Variants in PRKDC observed in about 807,000 individuals in gnomAD.
PRKDC encodes DNA-dependent protein kinase catalytic subunit.
In PRKDC, 82 loss-of-function variants were observed where a neutral mutation model predicts 486.9. The ratio of observed to expected loss-of-function variants is 0.17; its 90% CI spans 0.14 to 0.20. The LOEUF is 0.20. Ranked by LOEUF, PRKDC falls within the 10% of genes least tolerant of loss-of-function variation. The pLI is 1.00. For missense variants in PRKDC, 4,504 were observed against 5,038.2 expected (o/e 0.89, Z 3.21); for synonymous variants, 1,895 against 1,837.0 (o/e 1.03, Z -0.81).
intron 7 of PRKDC, among the ~76,000 whole-genome samples, chr8:47,946,342 A>ATCAGC (rs1047728987): frequency 6.6e-6 from 1 of 151,722 alleles, no homozygotes; most frequent in Non-Finnish European, 1.5e-5. Context: ...TCTTACCCCC[A>ATCAGC]CATCTCCCAT....
At chr8:47,865,483 T>C (rs751708368) in intron 40 of PRKDC, among the ~76,000 whole-genome samples, 9 of 152,210 alleles carry the variant, frequency 5.9e-5, no homozygotes, top group Admixed American at 1.3e-4. Context: ...TACCTGTCTA[T>C]CTGGTCCTTT....
At chr8:47,891,743 A>C (rs929270034) in intron 31 of PRKDC, among the ~76,000 whole-genome samples, 1 of 152,196 alleles carries the variant, frequency 6.6e-6, no homozygotes, top group Non-Finnish European at 1.5e-5. Context: ...ATTATTCTCA[A>C]AAACCAAATA....
chr8:47,875,863 A>C (rs2089081365), intron 40 of PRKDC, among the ~76,000 whole-genome samples: 1 of 152,200 alleles, frequency 6.6e-6, no homozygotes, highest in Non-Finnish European at 1.5e-5. Context: ...GTATGCTCCA[A>C]AAGAATGTGT....
rs534753160 is a variant in PRKDC at position 47,826,885 on chromosome 8, G to A, written c.8578-24C>T. The stretch of plus-strand genomic sequence containing the variant: ...TCCTGTGAAACCACACATACAACCA[G>A]CTGTTTAGCTTGTGGTACTTGGACC... On this transcript the variant is annotated intron_variant, in intron 62 of 85. Coordinates refer to ENST00000314191, the MANE Select transcript of PRKDC (RefSeq NM_006904.7). The A allele has an allele frequency of 1.1e-5, 17 of 1,539,574 alleles. No individual in the cohort carries two copies. In the South Asian group the frequency reaches 1.7e-4, roughly 15 times the overall value.
At chr8:47,801,538 TA>T (rs750046332) in intron 70 of PRKDC, among the ~76,000 whole-genome samples, 97 of 152,356 alleles carry the variant, frequency 6.4e-4, no homozygotes, top group Admixed American at 3.5e-3. Flanking sequence ...ATTGAAACTT[TA>T]TGAATTAACT....
intron 70 of PRKDC, 47 bp downstream of exon 70, chr8:47,803,259 A>AT (rs765379321): frequency 1.3e-6 from 2 of 1,537,504 alleles, no homozygotes; most frequent in Non-Finnish European, 8.8e-7. Flanking sequence ...ACAAGACAAT[A>AT]TAACACAGCC....
intron 15 of PRKDC, 22 bp downstream of exon 15, chr8:47,933,943 G>T (rs770339920): frequency 6.3e-7 from 1 of 1,598,280 alleles, no homozygotes; most frequent in Non-Finnish European, 8.5e-7. Context: ...GTACATTTAT[G>T]GCTTTCAATG....
chr8:47,913,321 C>A (rs1047821671), intron 24 of PRKDC, among the ~76,000 whole-genome samples: 14 of 152,182 alleles, frequency 9.2e-5, no homozygotes, highest in African/African-American at 3.4e-4. Context: ...CCAAGCATAG[C>A]CCGAATATCA....
At position 47,840,162 on chromosome 8, in the gene PRKDC, C is replaced by T. The variant is rs1215386135; in HGVS notation, c.7308G>A (p.Leu2436=). The T allele has an allele frequency of 1.2e-6, 2 of 1,600,192 alleles. No individual in the cohort carries two copies. Among genetic ancestry groups the T allele is most frequent in the East Asian group, 4.5e-5 (2 of 44,722 alleles). Residue 2436 remains leucine (L), a synonymous_variant, in exon 55 of 86, where the codon TTG becomes TTA. Transcript: ENST00000314191. ...HRDDERQKVC[L]DIIYKMMPKL... is the part of the protein sequence containing the mutation. ...TTGGCATCATCTTATAAATTATGTCCAAACATACTTTTTGTCTTTCATCAT... is the reference window on the plus strand; with the variant it reads ...TTGGCATCATCTTATAAATTATGTCTAAACATACTTTTTGTCTTTCATCAT...
At position 47,893,343 on chromosome 8, in the gene PRKDC, C is replaced by T. The variant is rs758291687; in HGVS notation, c.3643G>A (p.Glu1215Lys). The T allele has an allele frequency of 6.4e-7, 1 of 1,567,916 alleles. No homozygotes were observed. The highest frequency in any genetic ancestry group is 8.7e-7 in the Non-Finnish European group (1 of 1,150,544). The change falls in exon 31 of 86, where the codon GAA (glutamate) becomes AAA (lysine). Residue 1215 changes from glutamate to lysine, a missense_variant. Glu to Lys is a moderately conservative substitution (Grantham distance 56). Transcript: ENST00000314191. Reference sequence around the variant, plus strand: ...GTGTTGATGAGAAAAGAGACACCTTCTTCCTTGAGAACATCTTTCAGCCAC... The same window carrying T: ...GTGTTGATGAGAAAAGAGACACCTTTTTCCTTGAGAACATCTTTCAGCCAC... The part of the protein sequence containing the change: ...NLWLKDVLKE[E>K]GVSFLINTFE...
chr8:47,953,981 CA>C (rs2154504585), intron 5 of PRKDC, 62 bp from the exon 6 acceptor site: 2 of 851,276 alleles, frequency 2.3e-6, no homozygotes, highest in Admixed American at 3.0e-5. Context: ...TTAAACTAAC[CA>C]AAATGTATGA....
At chr8:47,817,988 A>T (rs1341905130) in intron 67 of PRKDC, among the ~76,000 whole-genome samples, 1 of 152,234 alleles carries the variant, frequency 6.6e-6, no homozygotes, top group Non-Finnish European at 1.5e-5. Flanking sequence ...AGAGTTACAG[A>T]ATACTGCCCT....
At chr8:47,919,208 A>G (rs1197281476) in intron 21 of PRKDC, among the ~76,000 whole-genome samples, 1 of 152,172 alleles carries the variant, frequency 6.6e-6, no homozygotes, top group African/African-American at 2.4e-5. Context: ...AGGACAGCAT[A>G]TTGCACTTAG....
intron 28 of PRKDC, among the ~76,000 whole-genome samples, chr8:47,899,441 T>C (rs1336265396): frequency 6.6e-6 from 1 of 151,690 alleles, no homozygotes; most frequent in Non-Finnish European, 1.5e-5. Flanking sequence ...AGGTCAGGAG[T>C]TATAGACCAG....
chr8:47,857,076 G>C, intron 49 of PRKDC, 80 bp downstream of exon 49: 1 of 1,408,484 alleles, frequency 7.1e-7, no homozygotes, highest in Non-Finnish European at 9.4e-7. Context: ...CAGTGAGAGG[G>C]ACCTGAATTA....
intron 1 of PRKDC, 29 bp downstream of exon 1, chr8:47,959,944 C>G: frequency 6.5e-7 from 1 of 1,530,628 alleles, no homozygotes; most frequent in Non-Finnish European, 8.7e-7. Flanking sequence ...CCAGGACCCA[C>G]CCGCGGCCCA....
chr8:47,886,085 G>A lies in PRKDC; in HGVS notation c.4635C>T (p.Ser1545=), dbSNP rs772652975. 1.2e-6 allele frequency: 2 copies of A among 1,613,652 alleles called. No homozygotes were observed. The highest frequency in any genetic ancestry group is 1.1e-5 in the South Asian group (1 of 91,078). ...PAVLSTASLG[S]SQGSVIHFSH... is the part of the protein sequence containing the mutation. The stretch of plus-strand genomic sequence containing the variant: ...AGAAGTGGATGACGCTGCCCTGTGA[G>A]CTGCCCAAGGACGCCGTGGACAGCA... Residue 1545 remains serine, a synonymous_variant, in exon 36 of 86, where the codon AGC becomes AGT. Coordinates refer to ENST00000314191, the MANE Select transcript of PRKDC (RefSeq NM_006904.7).
chr8:47,839,303 T>A, intron 55 of PRKDC, 57 bp from the exon 56 acceptor site: 1 of 1,214,550 alleles, frequency 8.2e-7, no homozygotes, highest in South Asian at 1.2e-5. Context: ...GGCCCTTTTG[T>A]TCAACTACAG....
chr8:47,936,247 G>A lies in PRKDC; in HGVS notation c.1278+106C>T, dbSNP rs530452041. ...ACAAAGTACTAACTAAAACTGTCATGTTGTTCCCAACAGTGCCTACACTAA... is the reference window on the plus strand; with the variant it reads ...ACAAAGTACTAACTAAAACTGTCATATTGTTCCCAACAGTGCCTACACTAA... On this transcript the variant is annotated intron_variant, in intron 12 of 85. Coordinates refer to ENST00000314191, the MANE Select transcript of PRKDC (RefSeq NM_006904.7). The A allele has an allele frequency of 7.1e-6, 9 of 1,271,968 alleles. No individual in the cohort carries two copies. In the South Asian group the frequency reaches 8.3e-5, roughly 12 times the overall value. 78.8% of individuals were successfully genotyped at this position (1,271,968 alleles called of 1,614,324 possible).
Sources: gnomAD v4.1 joint callset for allele counts (sites outside exome capture counted in the v4.1 genomes callset) on GRCh38, gnomAD v4.1.1 for gene constraint, MANE v1.5 for transcripts, NCBI Gene and HGNC (gene_info 2026-07-23, HGNC 2026-07-21) for gene names.